Variants in SAMSN1 observed in about 807,000 individuals in gnomAD.
SAMSN1 encodes SAM domain-containing protein SAMSN-1.
SAMSN1 carries 31 observed loss-of-function variants against 42.0 expected under a neutral mutation model. The ratio of observed to expected loss-of-function variants is 0.74; its 90% CI spans 0.55 to 1.00. SAMSN1 has a LOEUF of 1.00. Among genes scored for constraint, SAMSN1 ranks in the 50% least tolerant of loss-of-function variants. SAMSN1 has a pLI of 0.00. For synonymous variants in SAMSN1, 178 were observed against 151.9 expected (o/e 1.17, Z -1.26); for missense variants, 464 against 439.4 (o/e 1.06, Z -0.50).
In SAMSN1 at chr21:14,485,585, T is replaced by C. The variant is rs1052930644; in HGVS notation, c.*327A>G. On this transcript the variant is annotated 3_prime_UTR_variant, in exon 8 of 8. Transcript: ENST00000400566. ...CAAAACTGGCAGGTATGAAAAAAGG[T>C]TACTTTGTTTTTTGCAGATACTGTA... The C allele has an allele frequency of 5.6e-6, 1 of 177,794 alleles. No individual in the cohort carries two copies. The highest frequency in any genetic ancestry group is 5.6e-5 in the Admixed American group (1 of 17,822). 11.0% of individuals were successfully genotyped at this position (177,794 alleles called of 1,614,324 possible).
At chr21:14,505,460 A>G (rs1346438668) in intron 5 of SAMSN1, among the ~76,000 whole-genome samples, 1 of 152,248 alleles carries the variant, frequency 6.6e-6, no homozygotes, top group Non-Finnish European at 1.5e-5. Flanking sequence ...GTTATATCAG[A>G]CAAAACAAAC....
chr21:14,546,018 T>C (rs1006826175), intron 1 of SAMSN1, among the ~76,000 whole-genome samples, 187 bp downstream of exon 1: 2 of 152,220 alleles, frequency 1.3e-5, no homozygotes, highest in African/African-American at 4.8e-5. Flanking sequence ...ACAGAGACAA[T>C]AATTGCTAGG....
intron 2 of SAMSN1, among the ~76,000 whole-genome samples, chr21:14,567,343 A>T (rs1981156470): frequency 6.6e-6 from 1 of 151,490 alleles, no homozygotes; most frequent in African/African-American, 2.4e-5. Context: ...AGAGCATCAG[A>T]TTTTATTTAC....
At chr21:14,537,487 G>A (rs545074369) in intron 1 of SAMSN1, among the ~76,000 whole-genome samples, 13 of 151,852 alleles carry the variant, frequency 8.6e-5, no homozygotes, top group Non-Finnish European at 1.8e-4. Flanking sequence ...GTTCACCTTG[G>A]TATCGCCAGT....
chr21:14,625,919 A>T (rs899689118), intron 2 of SAMSN1, among the ~76,000 whole-genome samples: 5 of 152,250 alleles, frequency 3.3e-5, no homozygotes, highest in African/African-American at 4.8e-5. Context: ...TGGTACTGGT[A>T]CTAAAACAGA....
At chr21:14,562,555 TATA>T (rs929263894) in intron 2 of SAMSN1, among the ~76,000 whole-genome samples, 5 of 149,866 alleles carry the variant, frequency 3.3e-5, no homozygotes, top group Admixed American at 2.0e-4. Context: ...TATGTATGTA[TATA>T]ATACTATATA....
At chr21:14,538,788 G>A (rs1454713214) in intron 1 of SAMSN1, among the ~76,000 whole-genome samples, 1 of 152,224 alleles carries the variant, frequency 6.6e-6, no homozygotes, top group East Asian at 1.9e-4. Context: ...GTCATTGCTA[G>A]TGAAAATTAG....
chr21:14,515,825 C>T (rs192828943), intron 3 of SAMSN1, among the ~76,000 whole-genome samples: 20 of 152,096 alleles, frequency 1.3e-4, no homozygotes, highest in South Asian at 4.2e-4. Context: ...CAATTAAAAA[C>T]GAACAATGGA....
chr21:14,500,229 A>C (rs902863224), intron 6 of SAMSN1, among the ~76,000 whole-genome samples: 1 of 152,010 alleles, frequency 6.6e-6, no homozygotes, highest in Non-Finnish European at 1.5e-5. Flanking sequence ...TCTCGTTTAG[A>C]CATTTTCTTA....
In SAMSN1 at chr21:14,485,935, T is replaced by A; in HGVS notation, c.1099A>T (p.Ile367Phe). The A allele has an allele frequency of 1.9e-6, 3 of 1,613,588 alleles. No individual in the cohort carries two copies. The highest frequency in any genetic ancestry group is 2.2e-5 in the South Asian group (2 of 91,066). The change falls in exon 8 of 8, where the codon ATT (isoleucine) becomes TTT (phenylalanine). Residue 367 changes from isoleucine (I) to phenylalanine (F), a missense_variant. Ile to Phe is a conservative substitution (Grantham distance 21). Coordinates refer to ENST00000400566, the MANE Select transcript of SAMSN1 (RefSeq NM_022136.5). The stretch of plus-strand genomic sequence containing the variant: ...GTTCAGTCACTTGGCTCTGTGATAA[T>A]AATCTTATGTACCATGTCAGACAGA... ...ENLSDMVHKIIITEPSD is the reference protein window; with the variant it reads ...ENLSDMVHKIFITEPSD
chr21:14,626,919 C>T (rs1219909374), intron 2 of SAMSN1, among the ~76,000 whole-genome samples: 2 of 152,088 alleles, frequency 1.3e-5, no homozygotes, highest in Non-Finnish European at 2.9e-5. Context: ...AAATATGGCA[C>T]ATATACACCA....
chr21:14,580,322 G>A (rs1981662952), intron 2 of SAMSN1, among the ~76,000 whole-genome samples: 1 of 152,196 alleles, frequency 6.6e-6, no homozygotes, highest in Admixed American at 6.5e-5. Context: ...ATTGAGTCCA[G>A]ACTGATGAAA....
upstream of SAMSN1, among the ~76,000 whole-genome samples, chr21:14,549,981 C>A (rs1200720046): frequency 6.6e-6 from 1 of 151,920 alleles, no homozygotes; most frequent in African/African-American, 2.4e-5. Context: ...TACACATTGC[C>A]ATCTGATGAC....
chr21:14,487,405 A>G (rs1986485783), intron 7 of SAMSN1, among the ~76,000 whole-genome samples: 1 of 151,828 alleles, frequency 6.6e-6, no homozygotes, highest in African/African-American at 2.4e-5. Flanking sequence ...ATGTTTTGCT[A>G]ACATTAGTTT....
intron 5 of SAMSN1, among the ~76,000 whole-genome samples, chr21:14,509,628 G>A (rs1263846237): frequency 1.3e-5 from 2 of 152,186 alleles, no homozygotes; most frequent in Non-Finnish European, 2.9e-5. Context: ...CCTGACATTT[G>A]CACCTTGTCT....
chr21:14,545,039 A>C (rs1980298398), intron 1 of SAMSN1, among the ~76,000 whole-genome samples: 1 of 152,142 alleles, frequency 6.6e-6, no homozygotes, highest in African/African-American at 2.4e-5. Flanking sequence ...TTCTTATATT[A>C]GGGAAAAAGA....
intron 7 of SAMSN1, chr21:14,592,326 G>A (rs924828687): frequency 2.0e-5 from 3 of 152,514 alleles, no homozygotes; most frequent in African/African-American, 7.2e-5. Context: ...TTAGCAAGAA[G>A]AGGAGCTATG....
chr21:14,488,806 C>T (rs73344103), intron 7 of SAMSN1, among the ~76,000 whole-genome samples: 9,867 of 152,178 alleles, frequency 0.065, 1,067 homozygotes, highest in African/African-American at 0.22. Flanking sequence ...ATGATTTCCT[C>T]GTGAAATGAA....
intron 7 of SAMSN1, among the ~76,000 whole-genome samples, chr21:14,487,328 T>G (rs1360239141): frequency 6.6e-6 from 1 of 150,514 alleles, no homozygotes; most frequent in Non-Finnish European, 1.5e-5. Context: ...GGAAATCTAC[T>G]CTTTATCTTA....
Sources: gnomAD v4.1 joint callset for allele counts (sites outside exome capture counted in the v4.1 genomes callset) on GRCh38, gnomAD v4.1.1 for gene constraint, MANE v1.5 for transcripts, NCBI Gene and HGNC (gene_info 2026-07-23, HGNC 2026-07-21) for gene names.